Variants in PCDH15 observed in about 807,000 individuals in gnomAD.
PCDH15 encodes the protein protocadherin-15.
PCDH15 carries 129 observed loss-of-function variants against 178.5 expected under a neutral mutation model. The observed-to-expected ratio is 0.72, with a 90% CI of 0.63 to 0.84. The LOEUF (loss-of-function observed/expected upper bound fraction) is 0.84, where lower values mean the gene tolerates loss of function less well. Among genes scored for constraint, PCDH15 ranks in the 40% least tolerant of loss-of-function variants. The probability of loss-of-function intolerance (pLI) is 0.00; values close to 1 mark genes in which losing one functional copy is unlikely to be tolerated. For missense variants in PCDH15, 2,230 were observed against 2,099.9 expected, an observed-to-expected ratio of 1.06 and a Z score of -1.21; for synonymous variants, 800 against 732.0, an observed-to-expected ratio of 1.09 and a Z score of -1.50.
chr10:54,298,577 C>G (rs1337213510), intron 8 of PCDH15, among the ~76,000 whole-genome samples: 2 of 152,214 alleles, frequency 1.3e-5, no homozygotes, highest in African/African-American at 4.8e-5. Flanking sequence ...GTCCACTGTG[C>G]AGAGGCAATC....
At chr10:55,180,852 A>T (rs1839629525) in intron 1 of PCDH15, among the ~76,000 whole-genome samples, 1 of 151,790 alleles carries the variant, frequency 6.6e-6, no homozygotes, top group Non-Finnish European at 1.5e-5. Context: ...CTTATATGGC[A>T]CTCTTTCTGT....
chr10:54,863,348 C>T (rs1953878916), intron 3 of PCDH15, among the ~76,000 whole-genome samples: 1 of 152,126 alleles, frequency 6.6e-6, no homozygotes, highest in Admixed American at 6.6e-5. Context: ...CGAGACCATC[C>T]TGGCTAACAA....
Position 54,559,957 on chromosome 10 carries a change from A to G in PCDH15, c.92-32080T>C, listed in dbSNP as rs116493428. On this transcript the variant is annotated intron_variant, in intron 2 of 37. Transcript: ENST00000644397. ...GTTTTGTTACTCTACACAATAATACAGTGTGTCCCCTTATTTATGTCATAA... is the reference window on the plus strand; with the variant it reads ...GTTTTGTTACTCTACACAATAATACGGTGTGTCCCCTTATTTATGTCATAA... 1.4e-3 allele frequency among the ~76,000 whole-genome samples: 212 copies of G among 151,838 alleles called. 2 individuals are homozygous for G. Among genetic ancestry groups the G allele is most frequent in the African/African-American group, 5.0e-3 (207 of 41,490 alleles).
intron 1 of PCDH15, among the ~76,000 whole-genome samples, chr10:54,792,134 T>C (rs1054774513): frequency 2.0e-5 from 3 of 151,852 alleles, no homozygotes; most frequent in Non-Finnish European, 2.9e-5. Flanking sequence ...GACTGGAATA[T>C]AGATGCAGGT....
At chr10:54,091,756 A>G (rs1391963644) in intron 15 of PCDH15, among the ~76,000 whole-genome samples, 1 of 152,150 alleles carries the variant, frequency 6.6e-6, no homozygotes, top group Non-Finnish European at 1.5e-5. Flanking sequence ...CAATCCTCAC[A>G]TTATCAATGG....
At chr10:55,437,642 AC>A (rs1402080523) in intron 2 of PCDH15, among the ~76,000 whole-genome samples, 1 of 152,086 alleles carries the variant, frequency 6.6e-6, no homozygotes, top group East Asian at 1.9e-4. Context: ...TAGTAAAAGA[AC>A]CAAAAAAATC....
intron 1 of PCDH15, among the ~76,000 whole-genome samples, chr10:54,692,517 G>A (rs1211024017): frequency 1.3e-5 from 2 of 152,144 alleles, no homozygotes; most frequent in Admixed American, 1.3e-4. Context: ...GGGGTTAAAT[G>A]TTCTTCTTGT....
intron 25 of PCDH15, among the ~76,000 whole-genome samples, chr10:53,936,967 G>C (rs547945095): frequency 6.6e-6 from 1 of 152,150 alleles, no homozygotes; most frequent in East Asian, 1.9e-4. Context: ...AAATATATGG[G>C]TTTTTATTTC....
intron 16 of PCDH15, among the ~76,000 whole-genome samples, chr10:54,079,942 T>C (rs143649769): frequency 3.9e-5 from 6 of 152,240 alleles, no homozygotes; most frequent in African/African-American, 1.4e-4. Context: ...CAGAGACCCA[T>C]TGTACAAAAT....
rs560175411 is a variant in PCDH15 at position 54,007,553 on chromosome 10, A to C, written c.2752-11788T>G. On this transcript the variant is annotated intron_variant, in intron 20 of 37. Coordinates refer to ENST00000644397, the MANE Select transcript of PCDH15 (RefSeq NM_001384140.1). The stretch of plus-strand genomic sequence containing the variant: ...TTCTATAAAATCTTTTCAAGAAAAA[A>C]TGTATGTTATTTGTTTGATCATCAC... Among the ~76,000 whole-genome samples the C allele has an allele frequency of 3.7e-4, 56 of 152,268 alleles. 1 individual carries two copies. The South Asian group carries it at 4.8e-3, about 13-fold the overall frequency.
In PCDH15 at chr10:54,375,539, T is replaced by G. The variant is rs181176051; in HGVS notation, c.318+3243A>C. 3.3e-5 allele frequency among the ~76,000 whole-genome samples: 5 copies of G among 152,120 alleles called. No homozygotes were observed. The East Asian group carries it at 9.7e-4, about 29-fold the overall frequency. On this transcript the variant is annotated intron_variant, in intron 4 of 37. Transcript: ENST00000644397. ...TGGAAATCATTTGAAGGCATTGTTGTGTCTTCCTTATAAGCCAAATAACTT... is the reference window on the plus strand; with the variant it reads ...TGGAAATCATTTGAAGGCATTGTTGGGTCTTCCTTATAAGCCAAATAACTT...
intron 2 of PCDH15, among the ~76,000 whole-genome samples, chr10:55,050,845 C>T (rs529417467): frequency 6.6e-6 from 1 of 152,158 alleles, no homozygotes; most frequent in South Asian, 2.1e-4. Context: ...TCAAGAACTT[C>T]TCATACTGCA....
intron 6 of PCDH15, among the ~76,000 whole-genome samples, chr10:54,330,658 CT>C: frequency 6.6e-6 from 1 of 151,838 alleles, no homozygotes; most frequent in Non-Finnish European, 1.5e-5. Flanking sequence ...GAGTTTTTTC[CT>C]GGTAACATGG....
chr10:53,908,890 A>G (rs1237745390), intron 25 of PCDH15, among the ~76,000 whole-genome samples: 3 of 152,214 alleles, frequency 2.0e-5, no homozygotes, highest in Non-Finnish European at 2.9e-5. Flanking sequence ...TGGTATCAGG[A>G]GATTGAAGTC....
intron 35 of PCDH15, 99 bp from the exon 36 acceptor site, chr10:53,811,718 C>T (rs559928385): frequency 7.9e-6 from 5 of 631,746 alleles, no homozygotes; most frequent in Non-Finnish European, 1.3e-5. Flanking sequence ...ATTCTCAAAA[C>T]ATTCCTGCCA....
intron 3 of PCDH15, among the ~76,000 whole-genome samples, chr10:54,395,211 T>C (rs1263100071): frequency 2.6e-5 from 4 of 152,254 alleles, no homozygotes; most frequent in Admixed American, 2.6e-4. Context: ...AATTTATGTT[T>C]AGAGACTGCA....
intron 2 of PCDH15, among the ~76,000 whole-genome samples, chr10:54,907,255 T>C (rs1237931255): frequency 6.6e-6 from 1 of 152,180 alleles, no homozygotes; most frequent in South Asian, 2.1e-4. Flanking sequence ...ATATTCCAGG[T>C]ATGCTTCTAA....
At chr10:54,035,404 A>G (rs559913144) in intron 18 of PCDH15, among the ~76,000 whole-genome samples, 89 of 152,052 alleles carry the variant, frequency 5.9e-4, no homozygotes, top group Non-Finnish European at 8.7e-4. Context: ...GAATATGACA[A>G]ACTTTTAAAT....
chr10:54,405,796 G>A (rs1441333271), intron 3 of PCDH15, among the ~76,000 whole-genome samples: 1 of 150,662 alleles, frequency 6.6e-6, no homozygotes, highest in African/African-American at 2.4e-5. Context: ...TATACAAAAT[G>A]TAATAATGGT....
Sources: gnomAD v4.1 joint callset for allele counts (sites outside exome capture counted in the v4.1 genomes callset) on GRCh38, gnomAD v4.1.1 for gene constraint, MANE v1.5 for transcripts, NCBI Gene and HGNC (gene_info 2026-07-23, HGNC 2026-07-21) for gene names.